CTNND2: variants seen among roughly 807,000 people sequenced by gnomAD.
CTNND2 encodes catenin delta 2.
In CTNND2, 22 loss-of-function variants were observed where a neutral mutation model predicts 144.4. The observed-to-expected ratio is 0.15, with a 90% confidence interval of 0.11 to 0.22. CTNND2 has a LOEUF of 0.22. Ranked by LOEUF, CTNND2 falls within the 10% of genes least tolerant of loss-of-function variation. CTNND2 has a pLI of 1.00. For synonymous variants in CTNND2, 751 were observed against 695.6 expected (o/e 1.08, Z -1.25); for missense variants, 1,353 against 1,618.8 (o/e 0.84, Z 2.82).
intron 2 of CTNND2, among the ~76,000 whole-genome samples, chr5:11,690,082 G>A (rs1050685838): frequency 4.0e-4 from 61 of 152,294 alleles, no homozygotes; most frequent in African/African-American, 1.2e-3. Context: ...TCCAAGTTTG[G>A]AGACTTTCAA....
intron 12 of CTNND2, among the ~76,000 whole-genome samples, chr5:11,139,714 T>G (rs1756524481): frequency 6.6e-6 from 1 of 152,246 alleles, no homozygotes; most frequent in African/African-American, 2.4e-5. Context: ...TGAAGGCATC[T>G]GCTAGGTTCC....
intron 8 of CTNND2, among the ~76,000 whole-genome samples, chr5:11,353,531 G>A (rs899905089): frequency 1.3e-5 from 2 of 152,220 alleles, no homozygotes; most frequent in South Asian, 2.1e-4. Context: ...AGGGCTGGGT[G>A]CAGTGGCTCA....
At chr5:11,250,380 T>G (rs2149929775) in intron 9 of CTNND2, among the ~76,000 whole-genome samples, 1 of 151,586 alleles carries the variant, frequency 6.6e-6, no homozygotes, top group African/African-American at 2.4e-5. Flanking sequence ...CTTACTTCTG[T>G]GTCTGCTCAA....
chr5:11,248,023 A>T (rs568598668), intron 9 of CTNND2, among the ~76,000 whole-genome samples: 1 of 152,304 alleles, frequency 6.6e-6, no homozygotes, highest in Admixed American at 6.5e-5. Context: ...AATACAAATT[A>T]GTGTCCATAA....
chr5:11,625,101 C>T (rs1336077736), intron 2 of CTNND2, among the ~76,000 whole-genome samples: 1 of 151,988 alleles, frequency 6.6e-6, no homozygotes, highest in Non-Finnish European at 1.5e-5. Context: ...TGTCAGAGCA[C>T]AATAGCAGAT....
chr5:11,031,726 G>A (rs1743497369), intron 16 of CTNND2, among the ~76,000 whole-genome samples: 1 of 152,110 alleles, frequency 6.6e-6, no homozygotes, highest in South Asian at 2.1e-4. Context: ...ACAAAAGCAG[G>A]TGGAAAAAGG....
In CTNND2 at chr5:11,683,299, T is replaced by C. The variant is rs952528266; in HGVS notation, c.174+48837A>G. 2.0e-5 allele frequency among the ~76,000 whole-genome samples: 3 copies of C among 152,210 alleles called. No homozygotes were observed. In the East Asian group the frequency reaches 5.8e-4, roughly 29 times the overall value. ...TCTAATGAGGTGATAAAAATTTCAC[T>C]GAAAGAATTTTAAGTATTCTGAGCA... On this transcript the variant is annotated intron_variant, in intron 2 of 21. Transcript: ENST00000304623.
intron 7 of CTNND2, among the ~76,000 whole-genome samples, chr5:11,371,438 A>C (rs1020070994): frequency 6.6e-5 from 10 of 152,220 alleles, no homozygotes; most frequent in Non-Finnish European, 1.5e-4. Context: ...AATAAAACTT[A>C]TCTCAAAGAA....
At chr5:11,421,746 C>T (rs959092900) in intron 3 of CTNND2, among the ~76,000 whole-genome samples, 35 of 152,042 alleles carry the variant, frequency 2.3e-4, no homozygotes, top group African/African-American at 7.0e-4. Context: ...TGTGGCTCTG[C>T]GGATAACAAA....
chr5:11,458,509 A>G (rs1765925589), intron 3 of CTNND2, among the ~76,000 whole-genome samples: 1 of 152,200 alleles, frequency 6.6e-6, no homozygotes, highest in Admixed American at 6.5e-5. Flanking sequence ...TGAGGATGTG[A>G]AATCTCCTAA....
At position 11,838,474 on chromosome 5, in the gene CTNND2, T is replaced by C. The variant is rs1475710336; in HGVS notation, c.37+65343A>G. 4.6e-5 allele frequency among the ~76,000 whole-genome samples: 7 copies of C among 152,260 alleles called. No homozygotes were observed. In the Middle Eastern group the frequency reaches 0.017, roughly 370 times the overall value. On this transcript the variant is annotated intron_variant, in intron 1 of 21. Transcript: ENST00000304623. ...TCTCTCCTTAAATGAATCCCAGCCTTTTTATGACTTATTAGCTCTCCAAGT... is the reference window on the plus strand; with the variant it reads ...TCTCTCCTTAAATGAATCCCAGCCTCTTTATGACTTATTAGCTCTCCAAGT...
At chr5:11,117,610 C>G (rs1337107020) in intron 12 of CTNND2, 43 bp from the exon 13 acceptor site, 2 of 1,500,564 alleles carry the variant, frequency 1.3e-6, no homozygotes, top group East Asian at 4.5e-5. Context: ...ACGGTTGTCA[C>G]CAAAAGAATG....
intron 7 of CTNND2, among the ~76,000 whole-genome samples, chr5:11,383,062 A>G (rs1758680836): frequency 6.6e-6 from 1 of 152,186 alleles, no homozygotes; most frequent in South Asian, 2.1e-4. Flanking sequence ...ATATTCAGCC[A>G]TGTGGCCACA....
At position 11,241,003 on chromosome 5, in the gene CTNND2, CCAAA is replaced by C. The variant is rs530950776; in HGVS notation, c.1629-4184_1629-4181del. Reference sequence around the variant, plus strand: ...CATGCACACACACCCAACACACACACCAAACACACACACCCAACACACACACCCA... The same window carrying C: ...CATGCACACACACCCAACACACACACCACACACACCCAACACACACACCCA... On this transcript the variant is annotated intron_variant, in intron 9 of 21. Transcript: ENST00000304623. Among the ~76,000 whole-genome samples the C allele has an allele frequency of 3.5e-3, 515 of 147,414 alleles. 5 individuals are homozygous for C. Among genetic ancestry groups the C allele is most frequent in the African/African-American group, 0.012 (487 of 40,198 alleles).
At chr5:11,567,188 C>T (rs1369947777) in intron 2 of CTNND2, among the ~76,000 whole-genome samples, 7 of 151,906 alleles carry the variant, frequency 4.6e-5, no homozygotes, top group African/African-American at 1.7e-4. Context: ...GATGGAGTCT[C>T]GCTCTGTCGT....
rs189253152 is a variant in CTNND2 at position 11,296,901 on chromosome 5, C to T, written c.1628+49471G>A. 6.0e-4 allele frequency among the ~76,000 whole-genome samples: 91 copies of T among 152,132 alleles called. 1 individual carries two copies. The highest frequency in any genetic ancestry group is 1.5e-3 in the African/African-American group (64 of 41,508). Reference sequence around the variant, plus strand: ...TAATGTTAAATGACGAGTTAATGGGCGCAGCACACCAACATGGCACGTGTA... The same window carrying T: ...TAATGTTAAATGACGAGTTAATGGGTGCAGCACACCAACATGGCACGTGTA... On this transcript the variant is annotated intron_variant, in intron 9 of 21. Coordinates refer to ENST00000304623, the MANE Select transcript of CTNND2 (RefSeq NM_001332.4).
chr5:11,089,222 T>C (rs896130610), intron 15 of CTNND2, among the ~76,000 whole-genome samples: 5 of 152,116 alleles, frequency 3.3e-5, no homozygotes, highest in Admixed American at 2.6e-4. Flanking sequence ...TATTTGCCTA[T>C]GTGGGGGTCT....
At chr5:11,500,855 T>C (rs946891413) in intron 3 of CTNND2, among the ~76,000 whole-genome samples, 3 of 152,224 alleles carry the variant, frequency 2.0e-5, no homozygotes, top group Non-Finnish European at 4.4e-5. Flanking sequence ...AGAATCAAAA[T>C]CTGCTGCTCA....
At chr5:11,314,777 C>A (rs1002464919) in intron 9 of CTNND2, among the ~76,000 whole-genome samples, 2 of 152,174 alleles carry the variant, frequency 1.3e-5, no homozygotes, top group African/African-American at 4.8e-5. Flanking sequence ...TGACTCCTGG[C>A]TCCCACTACC....
Sources: gnomAD v4.1 joint callset for allele counts (sites outside exome capture counted in the v4.1 genomes callset) on GRCh38, gnomAD v4.1.1 for gene constraint, MANE v1.5 for transcripts, NCBI Gene and HGNC (gene_info 2026-07-23, HGNC 2026-07-21) for gene names.